NCAM1: variants seen among roughly 807,000 people sequenced by gnomAD.
NCAM1 encodes the protein neural cell adhesion molecule 1.
A neutral mutation model predicts 109.8 loss-of-function variants in NCAM1; 14 were observed. The observed-to-expected ratio is 0.13, with a 90% confidence interval of 0.08 to 0.20. The LOEUF (loss-of-function observed/expected upper bound fraction) is 0.20. Among genes scored for constraint, NCAM1 ranks in the 10% least tolerant of loss-of-function variants. The pLI, the probability that NCAM1 is intolerant of heterozygous loss-of-function variation, is 1.00. For missense variants in NCAM1, 774 were observed against 1,109.9 expected (o/e 0.70, Z 4.30); for synonymous variants, 418 against 442.9 (o/e 0.94, Z 0.70).
intron 17 of NCAM1, 143 bp downstream of exon 17, chr11:113,260,466 G>A (rs1489106764): frequency 3.3e-6 from 3 of 905,078 alleles, no homozygotes; most frequent in South Asian, 3.5e-5. Context: ...GCTTAGTTTT[G>A]CCTTGTACCT....
In NCAM1 at chr11:113,278,298, A is replaced by C. The variant is rs527389540; in HGVS notation, c.*2911A>C. 3.5e-4 allele frequency: 53 copies of C among 152,346 alleles called. No homozygotes were observed. The highest frequency in any genetic ancestry group is 1.3e-3 in the African/African-American group (53 of 41,576). The allele number at this position is 152,346 out of a possible 1,614,324, so 9.4% of individuals were successfully genotyped here. On this transcript the variant is annotated 3_prime_UTR_variant, in exon 20 of 20. Coordinates refer to ENST00000316851, the MANE Select transcript of NCAM1 (RefSeq NM_181351.5). ...TTCGGGGGCCTTCTCTCTTGTTATA[A>C]AACTTTTTACCAAGTGAAACATCGA...
At chr11:112,992,719 G>A (rs1271918003) in intron 1 of NCAM1, among the ~76,000 whole-genome samples, 1 of 151,958 alleles carries the variant, frequency 6.6e-6, no homozygotes, top group African/African-American at 2.4e-5. Context: ...GCATTAGCTG[G>A]AATGATCTCG....
intron 1 of NCAM1, among the ~76,000 whole-genome samples, chr11:113,007,822 G>C (rs781871672): frequency 6.6e-6 from 1 of 152,218 alleles, no homozygotes; most frequent in African/African-American, 2.4e-5. Flanking sequence ...GCATGGGCTT[G>C]AATGGTTTGG....
chr11:113,256,874 T>G (rs138770362), intron 16 of NCAM1, among the ~76,000 whole-genome samples: 28 of 152,354 alleles, frequency 1.8e-4, no homozygotes, highest in Non-Finnish European at 2.5e-4. Flanking sequence ...GAGAAAAGAA[T>G]GAACCAGGGA....
In NCAM1 at chr11:113,277,987, A is replaced by T. The variant is rs1485524931; in HGVS notation, c.*2600A>T. 6.6e-6 allele frequency: 1 copy of T among 150,710 alleles called. No homozygotes were observed. Among genetic ancestry groups the T allele is most frequent in the Non-Finnish European group, 1.5e-5 (1 of 67,824 alleles). 9.3% of individuals were successfully genotyped at this position (150,710 alleles called of 1,614,324 possible). On this transcript the variant is annotated 3_prime_UTR_variant, in exon 20 of 20. Transcript: ENST00000316851. Reference sequence around the variant, plus strand: ...TTCTTTTTTAATTTTTGAAGGAGGGATCAACTCCAGTTTCCAATGTCTATG... The same window carrying T: ...TTCTTTTTTAATTTTTGAAGGAGGGTTCAACTCCAGTTTCCAATGTCTATG...
At chr11:113,052,529 G>T (rs551161112) in intron 1 of NCAM1, among the ~76,000 whole-genome samples, 2 of 152,068 alleles carry the variant, frequency 1.3e-5, no homozygotes, top group South Asian at 4.2e-4. Context: ...TACATAAGCT[G>T]GGAAATGCCA....
chr11:113,153,276 C>T (rs1166527521), intron 1 of NCAM1, among the ~76,000 whole-genome samples: 1 of 152,022 alleles, frequency 6.6e-6, no homozygotes, highest in Non-Finnish European at 1.5e-5. Context: ...CTCCTGACCT[C>T]GTGATCCACC....
intron 1 of NCAM1, among the ~76,000 whole-genome samples, chr11:113,077,688 CTTT>C (rs10535004): frequency 5.6e-4 from 82 of 145,616 alleles, no homozygotes; most frequent in Admixed American, 9.5e-4. Flanking sequence ...TAAGGAAGTA[CTTT>C]TTTTTTTTTT....
At chr11:113,250,009 A>G (rs1230049884) in intron 15 of NCAM1, among the ~76,000 whole-genome samples, 1 of 152,180 alleles carries the variant, frequency 6.6e-6, no homozygotes, top group Non-Finnish European at 1.5e-5. Context: ...ACACTCACTC[A>G]TTGTGTATCC....
rs577070053 is a variant in NCAM1 at position 113,209,236 on chromosome 11, G to A, written c.916+1234G>A. 3.3e-5 allele frequency among the ~76,000 whole-genome samples: 5 copies of A among 152,272 alleles called. No homozygotes were observed. The South Asian group carries it at 1.0e-3, about 32-fold the overall frequency. On this transcript the variant is annotated intron_variant, in intron 7 of 19. Transcript: ENST00000316851. ...ATCAGGGTTGGGACCTGCTTATCCA[G>A]CCTGATAAGGAGAACTGTTCATAAA... is the stretch of plus-strand genomic sequence containing the variant.
chr11:113,118,663 G>GA (rs1447056223), intron 1 of NCAM1, among the ~76,000 whole-genome samples: 1 of 151,818 alleles, frequency 6.6e-6, no homozygotes, highest in Non-Finnish European at 1.5e-5. Context: ...GAGGTGTCCA[G>GA]AAAAAAAGTT....
chr11:112,975,444 GT>G (rs1950982133), intron 1 of NCAM1, among the ~76,000 whole-genome samples: 1 of 151,952 alleles, frequency 6.6e-6, no homozygotes, highest in South Asian at 2.1e-4. Flanking sequence ...CGTTCAAAAA[GT>G]TTTTTGTTTA....
chr11:113,204,713 T>C (rs1162453957), intron 3 of NCAM1, among the ~76,000 whole-genome samples: 1 of 152,158 alleles, frequency 6.6e-6, no homozygotes, highest in Non-Finnish European at 1.5e-5. Context: ...CAGGCGTTCA[T>C]TCTCAAAATT....
At chr11:113,246,019 C>T (rs1945489790) in intron 14 of NCAM1, 2 of 313,018 alleles carry the variant, frequency 6.4e-6, no homozygotes, top group Non-Finnish European at 1.2e-5. Context: ...TTTACATGCT[C>T]CTGATGTGGT....
intron 1 of NCAM1, among the ~76,000 whole-genome samples, chr11:113,125,657 G>A (rs368170996): frequency 1.8e-3 from 275 of 152,288 alleles, no homozygotes; most frequent in African/African-American, 6.2e-3. Flanking sequence ...GAGCCCGCTG[G>A]GCAGAGTGCA....
chr11:113,099,314 A>G (rs1291253442), intron 1 of NCAM1, among the ~76,000 whole-genome samples: 1 of 152,116 alleles, frequency 6.6e-6, no homozygotes, highest in East Asian at 1.9e-4. Context: ...AAACATCATG[A>G]GGAGATGGGA....
intron 9 of NCAM1, 99 bp downstream of exon 9, chr11:113,221,424 T>C: frequency 2.4e-6 from 3 of 1,270,594 alleles, no homozygotes; most frequent in South Asian, 2.6e-5. Flanking sequence ...AACTAATTAG[T>C]AATTTAGCTA....
intron 1 of NCAM1, among the ~76,000 whole-genome samples, chr11:113,186,348 G>C (rs184581505): frequency 6.6e-6 from 1 of 152,204 alleles, no homozygotes; most frequent in Non-Finnish European, 1.5e-5. Flanking sequence ...GATGATCACA[G>C]CTGAAACAGT....
rs993613967 is a variant in NCAM1, at chr11:113,035,611, T to C, written c.52+73947T>C. The stretch of plus-strand genomic sequence containing the variant: ...GTGTTCTAGGAAGAAAGCTTCATTA[T>C]TGGGTAATTCACATGTGTGAAGCCC... On this transcript the variant is annotated intron_variant, in intron 1 of 19. Transcript: ENST00000316851. Among the ~76,000 whole-genome samples, 3 of 152,222 alleles carry C rather than the reference T, an allele frequency of 2.0e-5. 1 individual carries two copies. The highest frequency in any genetic ancestry group is 4.1e-4 in the South Asian group (2 of 4,826).
Sources: gnomAD v4.1 joint callset for allele counts (sites outside exome capture counted in the v4.1 genomes callset) on GRCh38, gnomAD v4.1.1 for gene constraint, MANE v1.5 for transcripts, NCBI Gene and HGNC (gene_info 2026-07-23, HGNC 2026-07-21) for gene names.